PPARGC1A: variants seen among roughly 807,000 people sequenced by gnomAD.
The protein encoded by PPARGC1A is PPARG coactivator 1 alpha.
In PPARGC1A, 25 loss-of-function variants were observed where a neutral mutation model predicts 88.7. The ratio of observed to expected loss-of-function variants is 0.28; its 90% confidence interval spans 0.21 to 0.39. The LOEUF (loss-of-function observed/expected upper bound fraction) is 0.39. Among genes scored for constraint, PPARGC1A ranks in the 10% least tolerant of loss-of-function variants. The pLI, the probability that PPARGC1A is intolerant of heterozygous loss-of-function variation, is 1.00. For synonymous variants in PPARGC1A, 363 were observed against 355.6 expected (o/e 1.02, Z -0.24); for missense variants, 880 against 968.7 (o/e 0.91, Z 1.22).
upstream of PPARGC1A, among the ~76,000 whole-genome samples, chr4:23,905,783 T>C (rs1719960118): frequency 6.6e-6 from 1 of 152,184 alleles, no homozygotes; most frequent in South Asian, 2.1e-4. Flanking sequence ...AGCTTGTAAG[T>C]GGGAGACCAG....
At chr4:24,467,668 A>C in the PPARGC1A span, among the ~76,000 whole-genome samples, 1 of 152,104 alleles carries the variant, frequency 6.6e-6, no homozygotes, top group East Asian at 1.9e-4. Flanking sequence ...AGCCAAAAAA[A>C]AAAAAAATGG....
the PPARGC1A span, among the ~76,000 whole-genome samples, chr4:24,201,154 C>T: frequency 7.2e-5 from 11 of 152,300 alleles, no homozygotes; most frequent in Admixed American, 1.3e-4. Context: ...AACTACATCA[C>T]CATAATGCAC....
At chr4:24,208,008 G>T in the PPARGC1A span, among the ~76,000 whole-genome samples, 1 of 152,176 alleles carries the variant, frequency 6.6e-6, no homozygotes, top group Admixed American at 6.5e-5. Context: ...GCTGGGTGCA[G>T]TGACTCACAC....
chr4:23,802,381 GA>G (rs777369161), intron 10 of PPARGC1A, 36 bp from the exon 11 acceptor site: 1 of 1,612,024 alleles, frequency 6.2e-7, no homozygotes, highest in Non-Finnish European at 8.5e-7. Flanking sequence ...TCTGGAGTGG[GA>G]AAAAAGCTAG....
chr4:24,267,777 G>C, the PPARGC1A span, among the ~76,000 whole-genome samples: 2 of 152,302 alleles, frequency 1.3e-5, no homozygotes, highest in African/African-American at 4.8e-5. Context: ...AGTAGACCAA[G>C]AAGCATAATT....
intron 12 of PPARGC1A, among the ~76,000 whole-genome samples, chr4:23,797,830 T>C (rs1226448677): frequency 1.3e-5 from 2 of 152,188 alleles, no homozygotes; most frequent in Non-Finnish European, 2.9e-5. Context: ...CAGTAAGATA[T>C]AATAAAAATG....
the PPARGC1A span, among the ~76,000 whole-genome samples, chr4:24,052,967 C>T: frequency 6.9e-6 from 1 of 144,078 alleles, no homozygotes; most frequent in African/African-American, 2.6e-5. Flanking sequence ...GGGTTCATGC[C>T]ATTCTCCTGC....
chr4:24,231,566 G>A, the PPARGC1A span, among the ~76,000 whole-genome samples: 95 of 152,274 alleles, frequency 6.2e-4, no homozygotes, highest in African/African-American at 1.7e-3. Context: ...AGGCAACAAA[G>A]GTTTCCGGAA....
At chr4:23,895,075 T>A (rs930462907), upstream of PPARGC1A, among the ~76,000 whole-genome samples, 1 of 105,232 alleles carries the variant, frequency 9.5e-6, no homozygotes, top group Non-Finnish European at 2.0e-5. Flanking sequence ...TAACATTTCA[T>A]TTACTAAGAA....
the PPARGC1A span, among the ~76,000 whole-genome samples, chr4:23,910,262 ATT>A: frequency 1.1e-3 from 101 of 90,452 alleles, 1 homozygote; most frequent in African/African-American, 3.6e-3. Flanking sequence ...TATTATATAT[ATT>A]AATATATATT....
At chr4:24,060,567 C>T in the PPARGC1A span, among the ~76,000 whole-genome samples, 10 of 152,180 alleles carry the variant, frequency 6.6e-5, no homozygotes, top group African/African-American at 2.4e-4. Flanking sequence ...ACAAAAGCAC[C>T]CAAGCCTTGC....
the PPARGC1A span, among the ~76,000 whole-genome samples, chr4:23,930,398 C>A: frequency 6.6e-6 from 1 of 152,118 alleles, no homozygotes; most frequent in Admixed American, 6.5e-5. Flanking sequence ...CGCCTTCTGA[C>A]CACTGACATT....
the PPARGC1A span, among the ~76,000 whole-genome samples, chr4:24,035,914 G>A: frequency 6.6e-6 from 1 of 152,176 alleles, no homozygotes; most frequent in Non-Finnish European, 1.5e-5. Flanking sequence ...ACTTAAATAT[G>A]AGTAAACGAT....
At chr4:23,860,973 G>A (rs946267251) in intron 2 of PPARGC1A, among the ~76,000 whole-genome samples, 1 of 152,106 alleles carries the variant, frequency 6.6e-6, no homozygotes, top group African/African-American at 2.4e-5. Context: ...TTGCATGCTT[G>A]GATATTTATC....
At chr4:24,316,835 C>T in the PPARGC1A span, among the ~76,000 whole-genome samples, 1 of 152,270 alleles carries the variant, frequency 6.6e-6, no homozygotes, top group African/African-American at 2.4e-5. Context: ...CTAACAAGCT[C>T]GGGTATTCTT....
the PPARGC1A span, among the ~76,000 whole-genome samples, chr4:23,965,801 A>G: frequency 6.6e-6 from 1 of 152,178 alleles, no homozygotes; most frequent in African/African-American, 2.4e-5. Context: ...CCTGACTGCG[A>G]CAACTAATTT....
chr4:24,165,033 T>C, the PPARGC1A span, among the ~76,000 whole-genome samples: 1 of 152,320 alleles, frequency 6.6e-6, no homozygotes, highest in South Asian at 2.1e-4. Context: ...TACAATAATC[T>C]TTTGGTCAAT....
At chr4:24,390,394 G>GT in the PPARGC1A span, among the ~76,000 whole-genome samples, 1 of 151,842 alleles carries the variant, frequency 6.6e-6, no homozygotes, top group East Asian at 1.9e-4. Context: ...ATTTTTATTA[G>GT]TTTTTTGGAA....
the PPARGC1A span, among the ~76,000 whole-genome samples, chr4:24,237,770 C>T: frequency 6.6e-6 from 1 of 152,156 alleles, no homozygotes; most frequent in Admixed American, 6.5e-5. Context: ...CTAGAGGCAA[C>T]AACTTTATAG....
Sources: allele counts gnomAD v4.1 joint callset (sites outside exome capture counted in the v4.1 genomes callset), GRCh38; gene constraint gnomAD v4.1.1; transcripts MANE v1.5; gene names NCBI Gene and HGNC (gene_info 2026-07-23, HGNC 2026-07-21).